PTPRT: variants seen among roughly 807,000 people sequenced by gnomAD.
PTPRT encodes the protein receptor-type tyrosine-protein phosphatase T.
Under a neutral mutation model 176.8 loss-of-function variants are expected in PTPRT, and 56 were observed. The ratio of observed to expected loss-of-function variants is 0.32; its 90% CI spans 0.26 to 0.40. The LOEUF (loss-of-function observed/expected upper bound fraction) is 0.40. PTPRT is among the 10% of genes least tolerant of loss of function. The pLI, the probability that PTPRT is intolerant of heterozygous loss-of-function variation, is 1.00. For missense variants in PTPRT, 1,540 were observed against 1,908.2 expected, an observed-to-expected ratio of 0.81 and a Z score of 3.60; for synonymous variants, 783 against 739.0, an observed-to-expected ratio of 1.06 and a Z score of -0.96.
intron 1 of PTPRT, among the ~76,000 whole-genome samples, chr20:43,129,201 G>A (rs1380564040): frequency 6.6e-6 from 1 of 152,134 alleles, no homozygotes; most frequent in Non-Finnish European, 1.5e-5. Flanking sequence ...GGTATAAATG[G>A]CTTCCCCAGC....
intron 16 of PTPRT, among the ~76,000 whole-genome samples, chr20:42,191,492 G>T (rs769855670): frequency 6.6e-6 from 1 of 152,120 alleles, no homozygotes; most frequent in African/African-American, 2.4e-5. Flanking sequence ...CACACATTCC[G>T]TGGGCATGGA....
intron 7 of PTPRT, among the ~76,000 whole-genome samples, chr20:42,476,072 G>A (rs879905542): frequency 1.3e-5 from 2 of 152,080 alleles, no homozygotes; most frequent in African/African-American, 2.4e-5. Context: ...TCTATAAAGT[G>A]GAAATTATTA....
chr20:42,161,605 G>A, intron 16 of PTPRT, 63 bp from the exon 17 acceptor site: 1 of 1,513,946 alleles, frequency 6.6e-7, no homozygotes, highest in Non-Finnish European at 8.9e-7. Context: ...TGTCCTCCCT[G>A]TCTCCCCCAG....
chr20:42,252,830 T>A (rs991966198), intron 13 of PTPRT, among the ~76,000 whole-genome samples: 1 of 152,218 alleles, frequency 6.6e-6, no homozygotes, highest in East Asian at 1.9e-4. Flanking sequence ...ACGAATTCAA[T>A]GAGTTCAGCC....
chr20:42,974,581 TTCCTTTTCCTCTTCACA>T lies in PTPRT; in HGVS notation c.89-88666_89-88650del, dbSNP rs1982835577. ...CTGACTCACAGTCGTGAGAACACAT[TTCCTTTTCCTCTTCACA>T]GGCTCCTGAAATGAGATCATATCTG... On this transcript the variant is annotated intron_variant, in intron 1 of 30. Coordinates refer to ENST00000373187, the MANE Select transcript of PTPRT (RefSeq NM_007050.6). Among the ~76,000 whole-genome samples the T allele has an allele frequency of 2.0e-5, 3 of 152,176 alleles. No individual in the cohort carries two copies. In the South Asian group the frequency reaches 6.2e-4, roughly 32 times the overall value.
intron 9 of PTPRT, among the ~76,000 whole-genome samples, chr20:42,390,628 T>C (rs1174319227): frequency 6.6e-6 from 1 of 152,228 alleles, no homozygotes; most frequent in African/African-American, 2.4e-5. Flanking sequence ...CATAACATAC[T>C]GAGGCCTCTG....
chr20:42,209,777 A>G (rs989953854), intron 15 of PTPRT, among the ~76,000 whole-genome samples: 4 of 152,194 alleles, frequency 2.6e-5, no homozygotes, highest in African/African-American at 9.7e-5. Context: ...AAAAGAGGGA[A>G]TCCTCCATAA....
chr20:42,360,243 C>G (rs2058414800), intron 9 of PTPRT, among the ~76,000 whole-genome samples: 1 of 152,160 alleles, frequency 6.6e-6, no homozygotes, highest in Non-Finnish European at 1.5e-5. Context: ...GTATTCCTGT[C>G]AACAGGTGCT....
intron 7 of PTPRT, among the ~76,000 whole-genome samples, chr20:42,646,217 C>T (rs865934321): frequency 4.6e-5 from 7 of 151,996 alleles, no homozygotes; most frequent in African/African-American, 1.2e-4. Context: ...AGGGGACCCA[C>T]GGCCAAGGGC....
chr20:42,918,338 G>A (rs1978916857), intron 1 of PTPRT, among the ~76,000 whole-genome samples: 1 of 152,170 alleles, frequency 6.6e-6, no homozygotes, highest in Non-Finnish European at 1.5e-5. Flanking sequence ...TCCCTGTACA[G>A]CTTAGATAAG....
intron 1 of PTPRT, among the ~76,000 whole-genome samples, chr20:43,137,514 G>T (rs758389717): frequency 2.0e-5 from 3 of 152,116 alleles, no homozygotes; most frequent in Non-Finnish European, 4.4e-5. Flanking sequence ...TTCTAGAAGG[G>T]TCAAAAGAAC....
At chr20:42,174,995 C>T (rs1990230903) in intron 16 of PTPRT, among the ~76,000 whole-genome samples, 1 of 152,126 alleles carries the variant, frequency 6.6e-6, no homozygotes, top group Non-Finnish European at 1.5e-5. Flanking sequence ...ATAGTCATTT[C>T]TCTCCATGGC....
chr20:42,935,398 C>G (rs1172039784), intron 1 of PTPRT, among the ~76,000 whole-genome samples: 1 of 151,960 alleles, frequency 6.6e-6, no homozygotes, highest in African/African-American at 2.4e-5. Flanking sequence ...CCTTGGCGTC[C>G]AAAAGCAATG....
rs193250251 is a variant in PTPRT, at chr20:43,173,019, T to C, written c.88+16627A>G. ...TCCTGAGTAGCTGGGATTACAGGCA[T>C]GCGCCACCAGACACGGCTAATTTTG... On this transcript the variant is annotated intron_variant, in intron 1 of 30. Transcript: ENST00000373187. 4.0e-3 allele frequency among the ~76,000 whole-genome samples: 602 copies of C among 152,138 alleles called. 4 individuals carry two copies. Among genetic ancestry groups the C allele is most frequent in the African/African-American group, 0.014 (564 of 41,502 alleles).
chr20:42,689,714 T>C (rs956726137), intron 6 of PTPRT, among the ~76,000 whole-genome samples: 4 of 152,148 alleles, frequency 2.6e-5, no homozygotes, highest in Admixed American at 1.3e-4. Flanking sequence ...GTATCCTGGA[T>C]AAGTGAAGAA....
At chr20:42,728,656 CAG>C (rs767037914) in intron 6 of PTPRT, among the ~76,000 whole-genome samples, 5 of 152,180 alleles carry the variant, frequency 3.3e-5, no homozygotes, top group Admixed American at 2.0e-4. Context: ...GATGAGGAAA[CAG>C]GGGCAGAAAA....
chr20:42,484,775 A>G (rs901623377), intron 7 of PTPRT, among the ~76,000 whole-genome samples: 2 of 152,208 alleles, frequency 1.3e-5, no homozygotes, highest in Non-Finnish European at 2.9e-5. Context: ...TATCTCCAAA[A>G]TAGACCTTGA....
At chr20:43,108,804 T>C (rs1002023209) in intron 1 of PTPRT, among the ~76,000 whole-genome samples, 16 of 152,198 alleles carry the variant, frequency 1.1e-4, no homozygotes, top group African/African-American at 3.9e-4. Flanking sequence ...TTAAAATCAC[T>C]GCTCTGAGCC....
At chr20:42,035,412 C>G in the PTPRT span, among the ~76,000 whole-genome samples, 1 of 152,080 alleles carries the variant, frequency 6.6e-6, no homozygotes, top group Admixed American at 6.6e-5. Context: ...CTCCCAAGAG[C>G]CAGAACTCCT....
Sources: allele counts gnomAD v4.1 joint callset (sites outside exome capture counted in the v4.1 genomes callset), GRCh38; gene constraint gnomAD v4.1.1; transcripts MANE v1.5; gene names NCBI Gene and HGNC (gene_info 2026-07-23, HGNC 2026-07-21).